FAM120A: variants seen among roughly 807,000 people sequenced by gnomAD.
FAM120A encodes the protein family with sequence similarity 120 member A.
A neutral mutation model predicts 109.7 loss-of-function variants in FAM120A; 15 were observed. That is an observed-to-expected ratio of 0.14 (90% CI 0.09 to 0.21). FAM120A has a LOEUF of 0.21. Among genes scored for constraint, FAM120A ranks in the 10% least tolerant of loss-of-function variants. The pLI, the probability that FAM120A is intolerant of heterozygous loss-of-function variation, is 1.00. For missense variants in FAM120A, 899 were observed against 1,439.3 expected, an observed-to-expected ratio of 0.62 and a Z score of 6.07; for synonymous variants, 493 against 572.8, an observed-to-expected ratio of 0.86 and a Z score of 1.99.
intron 12 of FAM120A, among the ~76,000 whole-genome samples, chr9:93,553,113 C>T (rs1862161841): frequency 6.6e-6 from 1 of 152,166 alleles, no homozygotes; most frequent in Admixed American, 6.5e-5. Flanking sequence ...CCTTAAATAC[C>T]TGTGACAGTG....
intron 11 of FAM120A, among the ~76,000 whole-genome samples, chr9:93,544,799 G>C (rs1270494730): frequency 6.6e-6 from 1 of 152,150 alleles, no homozygotes; most frequent in Admixed American, 6.5e-5. Context: ...TGCCCTGCCT[G>C]GGGGTGCACA....
chr9:93,533,166 A>G (rs1009181241), intron 10 of FAM120A, among the ~76,000 whole-genome samples: 88 of 152,354 alleles, frequency 5.8e-4, no homozygotes, highest in African/African-American at 1.9e-3. Context: ...TCTTTGAGCC[A>G]TGGATAATTA....
chr9:93,499,374 A>C (rs185005211), intron 5 of FAM120A, among the ~76,000 whole-genome samples: 3 of 150,200 alleles, frequency 2.0e-5, no homozygotes, highest in Non-Finnish European at 3.0e-5. Context: ...TGCAACCTCT[A>C]CCTCCCAGGC....
chr9:93,523,994 A>G (rs979127867), intron 7 of FAM120A, among the ~76,000 whole-genome samples: 9 of 152,178 alleles, frequency 5.9e-5, no homozygotes, highest in African/African-American at 1.9e-4. Context: ...GAGAACTCTG[A>G]GCATCTGTCC....
chr9:93,470,720 G>T (rs1402759804), intron 1 of FAM120A, among the ~76,000 whole-genome samples: 2 of 152,118 alleles, frequency 1.3e-5, no homozygotes, highest in Non-Finnish European at 2.9e-5. Flanking sequence ...CTACTTTGAA[G>T]AAATTGTTTT....
intron 5 of FAM120A, among the ~76,000 whole-genome samples, chr9:93,511,656 A>G (rs1159211472): frequency 6.6e-6 from 1 of 152,204 alleles, no homozygotes. Flanking sequence ...AATGGTTGGA[A>G]TGTTTTGCCT....
intron 5 of FAM120A, among the ~76,000 whole-genome samples, chr9:93,511,244 G>C (rs1338420032): frequency 2.0e-5 from 3 of 152,200 alleles, no homozygotes; most frequent in African/African-American, 7.2e-5. Context: ...TCATGCCTCA[G>C]GTTTTGCCTC....
chr9:93,539,239 C>T lies in FAM120A; in HGVS notation c.1910-3983C>T, dbSNP rs181943585. On this transcript the variant is annotated intron_variant, in intron 10 of 17. Transcript: ENST00000277165. ...GTCTCGATCTCCTGACCTCGTGATC[C>T]GCCCACCTCGACCTCCCAAAGTGCT... 8.7e-4 allele frequency among the ~76,000 whole-genome samples: 132 copies of T among 152,166 alleles called. No homozygotes were observed. In the East Asian group the frequency reaches 0.022, roughly 25 times the overall value.
At chr9:93,544,916 G>A (rs2131524593) in intron 11 of FAM120A, among the ~76,000 whole-genome samples, 1 of 152,274 alleles carries the variant, frequency 6.6e-6, no homozygotes, top group South Asian at 2.1e-4. Flanking sequence ...CGTCTCACAT[G>A]GAAGTGCTTA....
In FAM120A at chr9:93,478,522, G is replaced by T. The variant is rs371628556; in HGVS notation, c.804+2184G>T. 2.0e-5 allele frequency among the ~76,000 whole-genome samples: 3 copies of T among 152,172 alleles called. No homozygotes were observed. The East Asian group carries it at 5.8e-4, about 29-fold the overall frequency. Reference sequence around the variant, plus strand: ...GACAGAGTCTTGCTCTGTCACCCAGGATGGAGTACAGGGGTGAGATCTCGG... The same window carrying T: ...GACAGAGTCTTGCTCTGTCACCCAGTATGGAGTACAGGGGTGAGATCTCGG... On this transcript the variant is annotated intron_variant, in intron 3 of 17. Coordinates refer to ENST00000277165, the MANE Select transcript of FAM120A (RefSeq NM_014612.5).
At chr9:93,518,640 G>T in intron 7 of FAM120A, among the ~76,000 whole-genome samples, 1 of 152,214 alleles carries the variant, frequency 6.6e-6, no homozygotes, top group East Asian at 1.9e-4. Flanking sequence ...AGTGAACATA[G>T]AAGCCCTGAC....
intron 3 of FAM120A, among the ~76,000 whole-genome samples, chr9:93,484,939 T>A (rs1487154394): frequency 6.6e-6 from 1 of 152,252 alleles, no homozygotes; most frequent in African/African-American, 2.4e-5. Context: ...AATGTCAGTC[T>A]TCAAAACGAG....
intron 10 of FAM120A, among the ~76,000 whole-genome samples, chr9:93,539,270 T>TA (rs1861619269): frequency 6.6e-6 from 1 of 152,062 alleles, no homozygotes; most frequent in African/African-American, 2.4e-5. Context: ...GTGCTGGGAT[T>TA]ACAGGCGTGA....
chr9:93,531,046 T>G (rs971636617), intron 9 of FAM120A: 4 of 152,240 alleles, frequency 2.6e-5, no homozygotes, highest in African/African-American at 9.6e-5. Flanking sequence ...AAAATGCTAC[T>G]TAAGTTTTTT....
chr9:93,479,199 T>A (rs911060789), intron 3 of FAM120A, among the ~76,000 whole-genome samples: 1 of 147,186 alleles, frequency 6.8e-6, no homozygotes, highest in Non-Finnish European at 1.5e-5. Context: ...CCCGGTTTCA[T>A]GCCATTCTCC....
intron 1 of FAM120A, among the ~76,000 whole-genome samples, chr9:93,467,710 A>C (rs1858111231): frequency 6.6e-6 from 1 of 152,108 alleles, no homozygotes. Context: ...TTTGGGAAGG[A>C]TTATGGTATG....
chr9:93,485,237 C>G (rs150698020), intron 3 of FAM120A, among the ~76,000 whole-genome samples: 47 of 152,180 alleles, frequency 3.1e-4, no homozygotes, highest in African/African-American at 9.2e-4. Flanking sequence ...CCACCCCCTG[C>G]CCAGCCAAAT....
chr9:93,513,579 A>G (rs1860435342), intron 5 of FAM120A, among the ~76,000 whole-genome samples: 1 of 152,220 alleles, frequency 6.6e-6, no homozygotes, highest in African/African-American at 2.4e-5. Flanking sequence ...TTTGGTACAA[A>G]GGTGGAAGCT....
chr9:93,532,422 G>C lies in FAM120A; in HGVS notation c.1909+93G>C. On this transcript the variant is annotated intron_variant, in intron 10 of 17. Transcript: ENST00000277165. This position sits in a 1 kb window ranked among gnomAD's most constrained non-coding sequence, Gnocchi z 4.3. ...GCCTTAGAAGAATCATGACTGAGTTGACCCCGAGTGCCTCTGTGTAAAGGA... is the reference window on the plus strand; with the variant it reads ...GCCTTAGAAGAATCATGACTGAGTTCACCCCGAGTGCCTCTGTGTAAAGGA... The C allele has an allele frequency of 7.0e-7, 1 of 1,424,010 alleles. No homozygotes were observed. Among genetic ancestry groups the C allele is most frequent in the Non-Finnish European group, 9.9e-7 (1 of 1,012,428 alleles). The allele number at this position is 1,424,010 out of a possible 1,614,324, so 88.2% of individuals were successfully genotyped here. A position where few individuals can be genotyped will look rare whatever the true frequency, so the allele number is the denominator to read the frequency against.
Sources: allele counts gnomAD v4.1 joint callset (sites outside exome capture counted in the v4.1 genomes callset), GRCh38; gene constraint gnomAD v4.1.1; non-coding constraint Gnocchi (gnomAD v3.1); transcripts MANE v1.5; gene names NCBI Gene and HGNC (gene_info 2026-07-23, HGNC 2026-07-21).